The following MATN2 variants were observed in gnomAD, a reference collection of about 807,000 sequenced individuals.
MATN2 encodes matrilin 2.
In MATN2, 69 loss-of-function variants were observed where a neutral mutation model predicts 103.2. The observed-to-expected ratio is 0.67, with a 90% confidence interval of 0.55 to 0.82. MATN2 has a LOEUF of 0.82. Among genes scored for constraint, MATN2 ranks in the 40% least tolerant of loss-of-function variants. The pLI is 0.00. For synonymous variants in MATN2, 429 were observed against 450.2 expected (o/e 0.95, Z 0.60); for missense variants, 1,023 against 1,211.5 (o/e 0.84, Z 2.31).
Position 97,877,580 on chromosome 8 carries a change from C to G in MATN2, c.-27+8293C>G, listed in dbSNP as rs150713258. On this transcript the variant is annotated intron_variant, in intron 1 of 18. Coordinates refer to ENST00000254898, the MANE Select transcript of MATN2 (RefSeq NM_002380.5). ...ATGTGCTTCTCCCACCTCAGCCTCC[C>G]GAAGTGCTGGGATTACAGGCATGAG... 9.3e-3 allele frequency among the ~76,000 whole-genome samples: 1,413 copies of G among 151,978 alleles called. 20 individuals are homozygous for G. Among genetic ancestry groups the G allele is most frequent in the African/African-American group, 0.032 (1,328 of 41,460 alleles).
chr8:97,948,502 A>G (rs995174146), intron 4 of MATN2, among the ~76,000 whole-genome samples: 8 of 152,256 alleles, frequency 5.3e-5, no homozygotes, highest in Admixed American at 4.6e-4. Context: ...AGATGAACAT[A>G]TAGAGCAATG....
intron 6 of MATN2, among the ~76,000 whole-genome samples, chr8:97,980,737 T>C (rs1811992955): frequency 6.6e-6 from 1 of 151,678 alleles, no homozygotes; most frequent in African/African-American, 2.4e-5. Context: ...GCTAATTTTT[T>C]TGGTATTTTT....
At chr8:97,878,838 C>T (rs1481901616) in intron 1 of MATN2, among the ~76,000 whole-genome samples, 2 of 151,378 alleles carry the variant, frequency 1.3e-5, no homozygotes, top group African/African-American at 2.4e-5. Context: ...GCAACAAGAG[C>T]GAAACTCCAT....
intron 4 of MATN2, among the ~76,000 whole-genome samples, chr8:97,943,339 G>C (rs760293763): frequency 4.0e-5 from 6 of 151,588 alleles, no homozygotes; most frequent in Non-Finnish European, 8.8e-5. Flanking sequence ...ATGCTTCTCT[G>C]TCCCATCTCA....
intron 7 of MATN2, among the ~76,000 whole-genome samples, chr8:97,998,071 C>T (rs1332740658): frequency 2.0e-5 from 3 of 151,332 alleles, no homozygotes; most frequent in Non-Finnish European, 4.4e-5. Flanking sequence ...TCTCCCTCCT[C>T]AGTCTCCCAA....
intron 1 of MATN2, among the ~76,000 whole-genome samples, chr8:97,874,454 A>G (rs1817999333): frequency 6.9e-6 from 1 of 145,708 alleles, no homozygotes; most frequent in African/African-American, 2.5e-5. Flanking sequence ...CGCCCGGGCT[A>G]TCATGCAGTG....
At chr8:97,900,860 A>G (rs1444898386) in intron 2 of MATN2, among the ~76,000 whole-genome samples, 2 of 152,102 alleles carry the variant, frequency 1.3e-5, no homozygotes, top group Non-Finnish European at 2.9e-5. Flanking sequence ...GCGTGAACCC[A>G]GAAGGCGGAG....
intron 12 of MATN2, among the ~76,000 whole-genome samples, chr8:98,020,849 C>T (rs571277187): frequency 3.3e-5 from 5 of 152,236 alleles, no homozygotes; most frequent in East Asian, 1.9e-4. Context: ...GTAAGTACTT[C>T]GAAGAGTTTA....
At position 97,998,478 on chromosome 8, in the gene MATN2, T is replaced by C. The variant is rs867905643; in HGVS notation, c.1204+3876T>C. On this transcript the variant is annotated intron_variant, in intron 7 of 18. Coordinates refer to ENST00000254898, the MANE Select transcript of MATN2 (RefSeq NM_002380.5). The stretch of plus-strand genomic sequence containing the variant: ...CGGAGCTTGCAGTGAGCCGAGATCG[T>C]GCCACTGCACTCCAGCCTGGGCGAC... 5.7e-5 allele frequency among the ~76,000 whole-genome samples: 8 copies of C among 140,364 alleles called. 1 individual carries two copies. In the South Asian group the frequency reaches 6.7e-4, roughly 12 times the overall value. The allele number at this position is 140,364 out of a possible 152,430, so 92.1% of individuals were successfully genotyped here.
chr8:97,911,873 A>G (rs962603178), intron 2 of MATN2, among the ~76,000 whole-genome samples: 19 of 152,174 alleles, frequency 1.2e-4, no homozygotes, highest in Non-Finnish European at 5.9e-5. Context: ...AATAATAATA[A>G]CAACAATAAA....
intron 6 of MATN2, among the ~76,000 whole-genome samples, chr8:97,993,295 T>G (rs529514326): frequency 3.0e-4 from 45 of 152,300 alleles, no homozygotes; most frequent in Admixed American, 1.4e-3. Context: ...GGAAGATTAT[T>G]TATGCAGTTC....
At chr8:97,937,032 C>T (rs1324984916) in intron 3 of MATN2, among the ~76,000 whole-genome samples, 1 of 152,138 alleles carries the variant, frequency 6.6e-6, no homozygotes, top group Admixed American at 6.5e-5. Context: ...ATCTCCCCTC[C>T]ACTCCTCTCC....
At chr8:97,939,712 C>T (rs537748944) in intron 3 of MATN2, among the ~76,000 whole-genome samples, 130 of 152,322 alleles carry the variant, frequency 8.5e-4, no homozygotes, top group Middle Eastern at 3.4e-3. Flanking sequence ...AGCATGTCCA[C>T]TAGTGACCGT....
intron 4 of MATN2, among the ~76,000 whole-genome samples, chr8:97,958,747 G>A (rs529714591): frequency 3.0e-4 from 46 of 152,238 alleles, no homozygotes; most frequent in South Asian, 1.2e-3. Flanking sequence ...TTATCCTTCC[G>A]AAGCACAACT....
intron 14 of MATN2, among the ~76,000 whole-genome samples, chr8:98,030,246 C>T (rs1813962762): frequency 6.6e-6 from 1 of 152,158 alleles, no homozygotes; most frequent in Non-Finnish European, 1.5e-5. Flanking sequence ...GTTTAGTTCC[C>T]CAGCGTCTCC....
chr8:97,927,746 G>A (rs1454714), intron 2 of MATN2, among the ~76,000 whole-genome samples: 99,462 of 152,040 alleles, frequency 0.65, 33,243 homozygotes, highest in East Asian at 0.92. Context: ...TTTGAAGGGA[G>A]AGAATCCAGT....
intron 4 of MATN2, among the ~76,000 whole-genome samples, chr8:97,945,717 A>AAAAAAATAT (rs59472539): frequency 5.7e-5 from 7 of 121,810 alleles, no homozygotes; most frequent in East Asian, 2.3e-4. Context: ...AAAAAAAAAA[A>AAAAAAATAT]ATATATATAT....
intron 1 of MATN2, among the ~76,000 whole-genome samples, chr8:97,871,926 T>G (rs1817911010): frequency 6.6e-6 from 1 of 152,212 alleles, no homozygotes. Flanking sequence ...AGACCTGGGT[T>G]GCAGTTCTAG....
At chr8:97,870,115 AC>A (rs1563634660) in intron 1 of MATN2, among the ~76,000 whole-genome samples, 1 of 152,064 alleles carries the variant, frequency 6.6e-6, no homozygotes, top group Non-Finnish European at 1.5e-5. Context: ...TTGGGTTTCA[AC>A]CCCAGCTGTG....
Sources: allele counts gnomAD v4.1 joint callset (sites outside exome capture counted in the v4.1 genomes callset), GRCh38; gene constraint gnomAD v4.1.1; transcripts MANE v1.5; gene names NCBI Gene and HGNC (gene_info 2026-07-23, HGNC 2026-07-21).